PLAC1: variants seen among roughly 807,000 people sequenced by gnomAD.
PLAC1 encodes the protein placenta-specific protein 1.
For synonymous variants in PLAC1, 68 were observed against 62.1 expected (o/e 1.09, Z -0.44); for missense variants, 136 against 163.2 (o/e 0.83, Z 0.91).
At position 134,576,971 on chromosome X, in the gene PLAC1, C is replaced by A. The variant is rs781341341; in HGVS notation, c.-58-10231G>T. Among the ~76,000 whole-genome samples, 23 of 111,925 alleles carry A rather than the reference C, an allele frequency of 2.1e-4. 1 individual carries two copies. The highest frequency in any genetic ancestry group is 4.1e-4 in the Non-Finnish European group (22 of 53,245). ...TTTAAGCCACCCAGTTTGTGTACAG[C>A]AGCCCTAGCAAACTAACAATTATAT... On this transcript the variant is annotated intron_variant, in intron 2 of 2. Transcript: ENST00000359237.
rs966783248 is a variant in PLAC1, at chrX:134,734,872, C to T, written n.90-1353G>A. ...ATAATGCCTCCCTCCCCACCACCTCCCACCCCCTGGACTGCTGGGGCCATC... is the reference window on the plus strand; with the variant it reads ...ATAATGCCTCCCTCCCCACCACCTCTCACCCCCTGGACTGCTGGGGCCATC... On this transcript the variant is annotated intron_variant and non_coding_transcript_variant, in intron 1 of 2. Transcript: ENST00000466797. 3.6e-5 allele frequency among the ~76,000 whole-genome samples: 4 copies of T among 110,607 alleles called. No homozygotes were observed. In the Admixed American group the frequency reaches 3.9e-4, roughly 11 times the overall value.
chrX:134,597,375 T>C (rs1343167241), intron 2 of PLAC1, among the ~76,000 whole-genome samples: 2 of 112,329 alleles, frequency 1.8e-5, no homozygotes, highest in Non-Finnish European at 3.8e-5. Context: ...ACTTTCCGTT[T>C]TTATTTGTTC....
chrX:134,659,352 CAT>C (rs1310923778), upstream of PLAC1, among the ~76,000 whole-genome samples: 5 of 111,702 alleles, frequency 4.5e-5, no homozygotes, highest in Non-Finnish European at 9.4e-5. Context: ...CAAAAATAAA[CAT>C]ATTCTAGTGC....
At chrX:134,636,197 C>T (rs2124421722) in intron 1 of PLAC1, among the ~76,000 whole-genome samples, 1 of 112,279 alleles carries the variant, frequency 8.9e-6, no homozygotes, top group Non-Finnish European at 1.9e-5. Flanking sequence ...CCCTCTACCC[C>T]AGAAATGATA....
intron 2 of PLAC1, among the ~76,000 whole-genome samples, chrX:134,717,150 A>G (rs983758506): frequency 8.9e-6 from 1 of 112,014 alleles, no homozygotes; most frequent in African/African-American, 3.3e-5. Flanking sequence ...AGAAATAGGA[A>G]GGCATTTGCT....
chrX:134,651,152 C>T, intron 1 of PLAC1: 1 of 265,555 alleles, frequency 3.8e-6, no homozygotes. Flanking sequence ...CTTGAAAAAG[C>T]CATACAAAAA....
At chrX:134,624,758 C>T (rs1257761695) in intron 1 of PLAC1, among the ~76,000 whole-genome samples, 1 of 111,642 alleles carries the variant, frequency 9.0e-6, no homozygotes, top group Non-Finnish European at 1.9e-5. Flanking sequence ...GATCCTCTTG[C>T]ATTCCCCAGT....
At chrX:134,567,589 C>T (rs753895175) in intron 2 of PLAC1, among the ~76,000 whole-genome samples, 1 of 109,708 alleles carries the variant, frequency 9.1e-6, no homozygotes, top group Admixed American at 9.8e-5. Flanking sequence ...GAGCCTGTCT[C>T]TATAAAACAA....
chrX:134,623,288 G>A (rs1276306640), intron 1 of PLAC1, among the ~76,000 whole-genome samples: 2 of 112,110 alleles, frequency 1.8e-5, no homozygotes, highest in Admixed American at 1.9e-4. Context: ...TCTCACAAAA[G>A]TTGTCCTAGA....
chrX:134,692,172 T>C (rs2078544974), intron 2 of PLAC1, among the ~76,000 whole-genome samples: 1 of 111,764 alleles, frequency 8.9e-6, no homozygotes, highest in Non-Finnish European at 1.9e-5. Context: ...ATTCATTACA[T>C]ACCCAGGCTA....
chrX:134,567,104 G>T (rs2077880916), intron 2 of PLAC1, among the ~76,000 whole-genome samples: 1 of 112,211 alleles, frequency 8.9e-6, no homozygotes, highest in African/African-American at 3.2e-5. Flanking sequence ...TTTAATTCAA[G>T]ATGGCAATAC....
At chrX:134,577,139 A>G (rs1042171716) in intron 2 of PLAC1, among the ~76,000 whole-genome samples, 1 of 112,353 alleles carries the variant, frequency 8.9e-6, no homozygotes, top group Non-Finnish European at 1.9e-5. Context: ...GAATAGAGAC[A>G]AAAACTTAGA....
chrX:134,573,490 A>G (rs1322045152), intron 2 of PLAC1, among the ~76,000 whole-genome samples: 1 of 111,150 alleles, frequency 9.0e-6, no homozygotes, highest in Non-Finnish European at 1.9e-5. Context: ...GTCTGCCAAA[A>G]CCAGATAAAG....
intron 1 of PLAC1, among the ~76,000 whole-genome samples, chrX:134,750,843 ATATT>A (rs1490513528): frequency 4.4e-4 from 13 of 29,334 alleles, no homozygotes; most frequent in Admixed American, 6.1e-4. Flanking sequence ...ATTTATATAT[ATATT>A]TATATATATA....
intron 2 of PLAC1, among the ~76,000 whole-genome samples, chrX:134,692,540 CA>C (rs1158691190): frequency 9.0e-6 from 1 of 111,722 alleles, no homozygotes; most frequent in Non-Finnish European, 1.9e-5. Flanking sequence ...GGAAAATGTT[CA>C]AAAAACTTGA....
intron 1 of PLAC1, among the ~76,000 whole-genome samples, chrX:134,648,997 A>G (rs777914609): frequency 1.3e-4 from 14 of 111,722 alleles, no homozygotes; most frequent in Non-Finnish European, 1.9e-4. Flanking sequence ...GGCCGGGCGC[A>G]GTGGCTCACG....
Position 134,750,880 on chromosome X carries a change from TAA to T in PLAC1, n.89+13352_89+13353del, listed in dbSNP as rs1491317847. Reference sequence around the variant, plus strand: ...ATATATTTTTATATATATATATTTATAAATATATATATATATATTTATATATA... The same window carrying T: ...ATATATTTTTATATATATATATTTATATATATATATATATATTTATATATA... On this transcript the variant is annotated intron_variant and non_coding_transcript_variant, in intron 1 of 2. Transcript: ENST00000466797. 5.6e-4 allele frequency among the ~76,000 whole-genome samples: 9 copies of T among 16,162 alleles called. 2 individuals are homozygous for T. The highest frequency in any genetic ancestry group is 3.8e-3 in the African/African-American group (7 of 1,830). The allele number at this position is 16,162 out of a possible 115,157, so 14.0% of individuals were successfully genotyped here. A position where few individuals can be genotyped will look rare whatever the true frequency, so the allele number is the denominator to read the frequency against.
intron 2 of PLAC1, among the ~76,000 whole-genome samples, chrX:134,584,532 G>A (rs1006499783): frequency 2.7e-5 from 3 of 110,677 alleles, no homozygotes; most frequent in Non-Finnish European, 3.8e-5. Flanking sequence ...GAACGTGCAC[G>A]CTGACCATCC....
At chrX:134,577,855 A>G (rs778846655) in intron 2 of PLAC1, among the ~76,000 whole-genome samples, 1 of 109,968 alleles carries the variant, frequency 9.1e-6, no homozygotes, top group South Asian at 4.0e-4. Context: ...ACATACATAC[A>G]TCATGCACAC....
Sources: gnomAD v4.1 joint callset for allele counts (sites outside exome capture counted in the v4.1 genomes callset) on GRCh38, gnomAD v4.1.1 for gene constraint, MANE v1.5 for transcripts, NCBI Gene and HGNC (gene_info 2026-07-23, HGNC 2026-07-21) for gene names.